The following COL17A1 variants were observed in gnomAD, a reference collection of about 807,000 sequenced individuals.
COL17A1 encodes collagen type XVII alpha 1 chain, also known as collagen alpha-1(XVII) chain.
COL17A1 carries 181 observed loss-of-function variants against 218.4 expected under a neutral mutation model. The observed-to-expected ratio is 0.83, with a 90% CI of 0.73 to 0.94. The LOEUF (loss-of-function observed/expected upper bound fraction) is 0.94, where lower values mean the gene tolerates loss of function less well. COL17A1 is among the 40% of genes least tolerant of loss of function. The pLI, the probability that COL17A1 is intolerant of heterozygous loss-of-function variation, is 0.00. For missense variants in COL17A1, 1,924 were observed against 1,945.9 expected, an observed-to-expected ratio of 0.99 and a Z score of 0.21; for synonymous variants, 721 against 731.0, an observed-to-expected ratio of 0.99 and a Z score of 0.22.
intron 7 of COL17A1, 117 bp from the exon 8 acceptor site, chr10:104,072,196 G>A: frequency 6.8e-7 from 1 of 1,464,176 alleles, no homozygotes; most frequent in Non-Finnish European, 9.4e-7. Flanking sequence ...TCTGAGCTCT[G>A]GAAACAGGAA....
At position 104,078,673 on chromosome 10, in the gene COL17A1, A is replaced by C. The variant is rs2086733402; in HGVS notation, c.53-87T>G. 24 of 1,558,574 alleles carry C rather than the reference A, an allele frequency of 1.5e-5. No homozygotes were observed. In the South Asian group the frequency reaches 2.6e-4, roughly 17 times the overall value. Reference sequence around the variant, plus strand: ...CAAGGTCTAAGCTCTGTCACAGGCTAAGCATATTAAATTAGGTTCGACATT... The same window carrying C: ...CAAGGTCTAAGCTCTGTCACAGGCTCAGCATATTAAATTAGGTTCGACATT... On this transcript the variant is annotated intron_variant, in intron 2 of 55. Coordinates refer to ENST00000648076, the MANE Select transcript of COL17A1 (RefSeq NM_000494.4).
chr10:104,033,022 G>A (rs923400430), intron 53 of COL17A1, 54 bp from the exon 54 acceptor site: 4 of 1,591,626 alleles, frequency 2.5e-6, no homozygotes, highest in Non-Finnish European at 3.4e-6. Context: ...GGAAGCTTGG[G>A]ACATCAAGTC....
chr10:104,032,832 G>A, intron 54 of COL17A1, 74 bp downstream of exon 54: 1 of 1,609,050 alleles, frequency 6.2e-7, no homozygotes, highest in Non-Finnish European at 8.5e-7. Flanking sequence ...TGTGGCACCA[G>A]CACAGGAGCT....
At chr10:104,080,751 C>G in intron 1 of COL17A1, 67 bp from the exon 2 acceptor site, 3 of 1,506,298 alleles carry the variant, frequency 2.0e-6, no homozygotes, top group Non-Finnish European at 2.7e-6. Context: ...TAGGTCCCCA[C>G]TGTTGAAGCT....
chr10:104,080,076 C>G (rs2086751455), intron 2 of COL17A1, among the ~76,000 whole-genome samples: 1 of 152,104 alleles, frequency 6.6e-6, no homozygotes, highest in Non-Finnish European at 1.5e-5. Context: ...CTAACTAAAA[C>G]TTTCAAGTCT....
At position 104,049,470 on chromosome 10, in the gene COL17A1, G is replaced by T; in HGVS notation, c.2166C>A (p.Gly722=). ...QGEKGPRGLT[G]EPGMRGLPGA... ...CAGGCAAACCTCTCATGCCAGGCTC[G>T]CCTGCAAAGGACAAAGAACTAGCTG... The change falls in exon 29 of 56, where the codon GGC becomes GGA. Residue 722 remains glycine, a splice_region_variant and synonymous_variant. Transcript: ENST00000648076. 6.2e-7 allele frequency: 1 copy of T among 1,614,132 alleles called. No homozygotes were observed. Among genetic ancestry groups the T allele is most frequent in the Non-Finnish European group, 8.5e-7 (1 of 1,179,990 alleles).
chr10:104,049,662 T>C (rs746472669), intron 28 of COL17A1, among the ~76,000 whole-genome samples, 191 bp from the exon 29 acceptor site: 1 of 152,228 alleles, frequency 6.6e-6, no homozygotes, highest in Non-Finnish European at 1.5e-5. Context: ...ATCATGGGCA[T>C]GTGCATGAGT....
chr10:104,059,776 C>A, intron 14 of COL17A1, 58 bp from the exon 15 acceptor site: 2 of 1,546,948 alleles, frequency 1.3e-6, no homozygotes, highest in Non-Finnish European at 1.8e-6. Flanking sequence ...TCAACTCTGT[C>A]CTGTGTTCCC....
At chr10:104,047,638 T>G (rs1355973973) in intron 31 of COL17A1, 101 bp downstream of exon 31, 8 of 977,516 alleles carry the variant, frequency 8.2e-6, no homozygotes, top group Non-Finnish European at 1.3e-5. Flanking sequence ...CCCCACAACC[T>G]GCACACCTGC....
rs1000786458 is a variant in COL17A1 at position 104,061,613 on chromosome 10, G to A, written c.911-140C>T. On this transcript the variant is annotated intron_variant, in intron 12 of 55. Coordinates refer to ENST00000648076, the MANE Select transcript of COL17A1 (RefSeq NM_000494.4). ...TGAATCAACTCTCTCCAGCCATGGG[G>A]ACAGTAATGAGGGTTTAGATGGAAC... The A allele has an allele frequency of 9.7e-6, 7 of 722,440 alleles. 1 individual carries two copies. In the Admixed American group the frequency reaches 1.0e-4, roughly 11 times the overall value. The allele number at this position is 722,440 out of a possible 1,614,324, so 44.8% of individuals were successfully genotyped here. A position where few individuals can be genotyped will look rare whatever the true frequency, so the allele number is the denominator to read the frequency against.
At chr10:104,056,926 C>A (rs1363488308) in intron 17 of COL17A1, 49 bp downstream of exon 17, 6 of 1,549,760 alleles carry the variant, frequency 3.9e-6, no homozygotes, top group Non-Finnish European at 5.2e-6. Context: ...GGCAGTGGGG[C>A]TGGCCTGCCT....
intron 39 of COL17A1, among the ~76,000 whole-genome samples, 198 bp downstream of exon 39, chr10:104,040,867 C>T (rs1165363529): frequency 6.6e-6 from 1 of 152,182 alleles, no homozygotes; most frequent in Non-Finnish European, 1.5e-5. Flanking sequence ...TCCCTCAGGC[C>T]AGACTACCAG....
At chr10:104,062,666 GGGTGCCTT>G (rs2086593631) in intron 11 of COL17A1, among the ~76,000 whole-genome samples, 1 of 152,062 alleles carries the variant, frequency 6.6e-6, no homozygotes, top group Non-Finnish European at 1.5e-5. Context: ...TGACACCCTG[GGGTGCCTT>G]GGTGCACAGT....
intron 45 of COL17A1, 108 bp downstream of exon 45, chr10:104,038,298 C>T (rs904537922): frequency 1.2e-5 from 17 of 1,433,626 alleles, no homozygotes; most frequent in Non-Finnish European, 3.9e-6. Context: ...TGCCCTACAT[C>T]GTCCCATGTC....
intron 7 of COL17A1, among the ~76,000 whole-genome samples, chr10:104,072,711 A>G (rs1415250951): frequency 1.3e-5 from 2 of 152,214 alleles, no homozygotes; most frequent in East Asian, 3.9e-4. Context: ...CCCAAAGCTT[A>G]GCAAGGGCTG....
At chr10:104,046,913 G>A in intron 31 of COL17A1, 140 bp from the exon 32 acceptor site, 1 of 793,562 alleles carries the variant, frequency 1.3e-6, no homozygotes, top group South Asian at 1.5e-5. Flanking sequence ...TGCCGGGGCA[G>A]CCAGCATCCT....
Position 104,037,031 on chromosome 10 carries a change from C to A in COL17A1, c.3277+14G>T, listed in dbSNP as rs139559830. On this transcript the variant is annotated intron_variant, in intron 47 of 55. Transcript: ENST00000648076. ...AAGATAGTCCCACCCTCGATCCCCCCACAGGTGACTCACGCTGCAGCACAG... is the reference window on the plus strand; with the variant it reads ...AAGATAGTCCCACCCTCGATCCCCCAACAGGTGACTCACGCTGCAGCACAG... 5.1e-5 allele frequency: 81 copies of A among 1,599,572 alleles called. No homozygotes were observed. In the Middle Eastern group the frequency reaches 1.1e-3, roughly 22 times the overall value.
intron 1 of COL17A1, among the ~76,000 whole-genome samples, chr10:104,081,122 T>C (rs1024799414): frequency 6.6e-6 from 1 of 152,252 alleles, no homozygotes. Context: ...TGGAACTCTA[T>C]GCATATGAGA....
In COL17A1 at chr10:104,085,292, C is replaced by T. The variant is rs539979927; in HGVS notation, c.-12+431G>A. Among the ~76,000 whole-genome samples, 7 of 152,306 alleles carry T rather than the reference C, an allele frequency of 4.6e-5. No homozygotes were observed. The East Asian group carries it at 9.6e-4, about 21-fold the overall frequency. On this transcript the variant is annotated intron_variant, in intron 1 of 55. Coordinates refer to ENST00000648076, the MANE Select transcript of COL17A1 (RefSeq NM_000494.4). ...GAAGGCCCCCTTACCTATACTTTAA[C>T]TTCACCCCTGAGTTGTTCTCTTCGT...
Sources: allele counts gnomAD v4.1 joint callset (sites outside exome capture counted in the v4.1 genomes callset), GRCh38; gene constraint gnomAD v4.1.1; transcripts MANE v1.5; gene names NCBI Gene and HGNC (gene_info 2026-07-23, HGNC 2026-07-21).